PLXDC1: variants seen among roughly 807,000 people sequenced by gnomAD.
PLXDC1 encodes the protein plexin domain containing 1.
A neutral mutation model predicts 61.3 loss-of-function variants in PLXDC1; 39 were observed. That is an observed-to-expected ratio of 0.64 (90% CI 0.49 to 0.83). PLXDC1 has a LOEUF of 0.83. Ranked by LOEUF, PLXDC1 falls within the 40% of genes least tolerant of loss-of-function variation. The pLI, the probability that PLXDC1 is intolerant of heterozygous loss-of-function variation, is 0.00. For missense variants in PLXDC1, 596 were observed against 666.5 expected, an observed-to-expected ratio of 0.89 and a Z score of 1.17; for synonymous variants, 212 against 254.5, an observed-to-expected ratio of 0.83 and a Z score of 1.59.
At chr17:39,088,421 C>T (rs572542370) in intron 7 of PLXDC1, among the ~76,000 whole-genome samples, 7 of 152,214 alleles carry the variant, frequency 4.6e-5, no homozygotes, top group Admixed American at 2.6e-4. Flanking sequence ...GTTCTGCTCA[C>T]GACTTGCTGG....
intron 8 of PLXDC1, among the ~76,000 whole-genome samples, chr17:39,085,291 G>T (rs1909702229): frequency 6.6e-6 from 1 of 152,170 alleles, no homozygotes; most frequent in Non-Finnish European, 1.5e-5. Context: ...CTGCCGTGGT[G>T]TTGAAGGCCC....
chr17:39,146,651 T>A (rs1397359910), intron 1 of PLXDC1, among the ~76,000 whole-genome samples: 1 of 150,914 alleles, frequency 6.6e-6, no homozygotes, highest in East Asian at 2.0e-4. Flanking sequence ...GTCTTTTTTA[T>A]AATAAAAAAA....
intron 2 of PLXDC1, among the ~76,000 whole-genome samples, chr17:39,128,946 GT>G (rs1911443888): frequency 1.3e-5 from 2 of 151,578 alleles, no homozygotes; most frequent in South Asian, 4.2e-4. Context: ...GTAGGTGGAG[GT>G]TGCAGTGAGC....
intron 2 of PLXDC1, among the ~76,000 whole-genome samples, chr17:39,132,663 C>A (rs1320004622): frequency 1.3e-5 from 2 of 152,112 alleles, no homozygotes; most frequent in African/African-American, 4.8e-5. Flanking sequence ...GGGTGCCTGG[C>A]AGAGGCACTG....
intron 9 of PLXDC1, chr17:39,079,460 G>C: frequency 2.0e-6 from 1 of 506,430 alleles, no homozygotes; most frequent in East Asian, 5.3e-5. Flanking sequence ...CCTTGACTCT[G>C]AGCTGCCGTG....
chr17:39,096,926 A>G (rs759336704), intron 7 of PLXDC1: 14 of 471,204 alleles, frequency 3.0e-5, no homozygotes, highest in South Asian at 2.2e-4. Context: ...CTAATTGCAC[A>G]TGACTTTTCT....
rs186248131 is a variant in PLXDC1, at chr17:39,083,212, G to A, written c.989+247C>T. Reference sequence around the variant, plus strand: ...AATGCCCACAGCTGTGGAACACTCCGAGAAGCCCTGTTCCAGGATGAACCC... The same window carrying A: ...AATGCCCACAGCTGTGGAACACTCCAAGAAGCCCTGTTCCAGGATGAACCC... On this transcript the variant is annotated intron_variant, in intron 9 of 13. Transcript: ENST00000315392. 2.3e-3 allele frequency among the ~76,000 whole-genome samples: 351 copies of A among 152,328 alleles called. 1 individual carries two copies. The highest frequency in any genetic ancestry group is 1.7e-3 in the East Asian group (9 of 5,186).
At chr17:39,112,457 CTTT>C (rs11448360) in intron 2 of PLXDC1, among the ~76,000 whole-genome samples, 2 of 121,104 alleles carry the variant, frequency 1.7e-5, no homozygotes, top group Admixed American at 9.7e-5. Context: ...TTTTTTCTTT[CTTT>C]TTTTTTTTTT....
intron 7 of PLXDC1, among the ~76,000 whole-genome samples, chr17:39,104,956 C>A (rs1157295725): frequency 6.6e-6 from 1 of 152,182 alleles, no homozygotes; most frequent in Non-Finnish European, 1.5e-5. Flanking sequence ...CCGGGAAGCC[C>A]TGATTTCACA....
At chr17:39,089,503 C>G (rs1567757566) in intron 7 of PLXDC1, among the ~76,000 whole-genome samples, 1 of 152,184 alleles carries the variant, frequency 6.6e-6, no homozygotes, top group Non-Finnish European at 1.5e-5. Context: ...AGGACCTGCC[C>G]CACTATTCAG....
At chr17:39,076,519 A>G (rs1909342645) in intron 11 of PLXDC1, among the ~76,000 whole-genome samples, 1 of 151,910 alleles carries the variant, frequency 6.6e-6, no homozygotes, top group African/African-American at 2.4e-5. Flanking sequence ...AAAAAAAAAA[A>G]AAAAAATCCT....
intron 2 of PLXDC1, among the ~76,000 whole-genome samples, chr17:39,135,042 A>G (rs1911698853): frequency 6.6e-6 from 1 of 152,232 alleles, no homozygotes; most frequent in Non-Finnish European, 1.5e-5. Flanking sequence ...CTCCCAACTC[A>G]TTCTAAACTT....
intron 2 of PLXDC1, among the ~76,000 whole-genome samples, chr17:39,117,087 C>T (rs1910994955): frequency 6.6e-6 from 1 of 152,214 alleles, no homozygotes; most frequent in Admixed American, 6.5e-5. Context: ...CAAGACCAAG[C>T]TCTTTCAGTC....
chr17:39,117,305 T>G (rs1229307066), intron 2 of PLXDC1, among the ~76,000 whole-genome samples: 1 of 152,164 alleles, frequency 6.6e-6, no homozygotes, highest in Non-Finnish European at 1.5e-5. Flanking sequence ...AAGCCCTAGA[T>G]GCTAAACAGC....
rs56714275 is a variant in PLXDC1, at chr17:39,088,943, G to GAA, written c.812-1243_812-1242dup. ...CAGCCTGGGTGACAAGAGCAAGACTGAAAAAAAAAAAAAAAAAAAAAGAGA... is the reference window on the plus strand; with the variant it reads ...CAGCCTGGGTGACAAGAGCAAGACTGAAAAAAAAAAAAAAAAAAAAAAAGAGA... On this transcript the variant is annotated intron_variant, in intron 7 of 13. Coordinates refer to ENST00000315392, the MANE Select transcript of PLXDC1 (RefSeq NM_020405.5). Among the ~76,000 whole-genome samples, 363 of 63,878 alleles carry GAA rather than the reference G, an allele frequency of 5.7e-3. 7 individuals carry two copies. Among genetic ancestry groups the GAA allele is most frequent in the Non-Finnish European group, 6.4e-3 (226 of 35,158 alleles). 41.9% of individuals were successfully genotyped at this position (63,878 alleles called of 152,430 possible). A position where few individuals can be genotyped will look rare whatever the true frequency, so the allele number is the denominator to read the frequency against.
chr17:39,106,837 A>G (rs1910611113), intron 6 of PLXDC1, among the ~76,000 whole-genome samples: 1 of 151,552 alleles, frequency 6.6e-6, no homozygotes, highest in Admixed American at 6.6e-5. Context: ...TTTTTAGTAG[A>G]GATGGGGTTT....
intron 2 of PLXDC1, among the ~76,000 whole-genome samples, chr17:39,133,879 A>G (rs1391323662): frequency 1.3e-5 from 2 of 152,154 alleles, no homozygotes; most frequent in African/African-American, 4.8e-5. Context: ...CTCCCACCTC[A>G]GCATCCCGAA....
chr17:39,134,080 A>G (rs1018004592), intron 2 of PLXDC1, among the ~76,000 whole-genome samples: 11 of 151,796 alleles, frequency 7.2e-5, no homozygotes, highest in Non-Finnish European at 1.0e-4. Context: ...ACACGGTGAA[A>G]CCCCATCTCT....
At position 39,108,940 on chromosome 17, in the gene PLXDC1, C is replaced by A; in HGVS notation, c.433G>T (p.Gly145Trp). ...ATGGTGATCTGCCGCAGAGGATGCC[C>A]GTAGAAAGGGAAATCAAAGGACAAG... ...VVLSFDFPFY[G>W]HPLRQITIAT... Residue 145 changes from glycine (G) to tryptophan (W), a missense_variant, in exon 4 of 14, where the codon GGG becomes TGG. Transcript: ENST00000315392. The A allele has an allele frequency of 6.2e-7, 1 of 1,613,640 alleles. No homozygotes were observed. Among genetic ancestry groups the A allele is most frequent in the Non-Finnish European group, 8.5e-7 (1 of 1,179,734 alleles).
Sources: allele counts gnomAD v4.1 joint callset (sites outside exome capture counted in the v4.1 genomes callset), GRCh38; gene constraint gnomAD v4.1.1; transcripts MANE v1.5; gene names NCBI Gene and HGNC (gene_info 2026-07-23, HGNC 2026-07-21).